Variants in CPAMD8 observed in about 807,000 individuals in gnomAD.
CPAMD8 encodes the protein C3 and PZP like alpha-2-macroglobulin domain containing 8.
CPAMD8 carries 146 observed loss-of-function variants against 224.7 expected under a neutral mutation model. The observed-to-expected ratio is 0.65, with a 90% CI of 0.57 to 0.75. The LOEUF (loss-of-function observed/expected upper bound fraction) is 0.75. Ranked by LOEUF, CPAMD8 falls within the 30% of genes least tolerant of loss-of-function variation. The pLI is 0.00. For synonymous variants in CPAMD8, 966 were observed against 1,044.6 expected (o/e 0.92, Z 1.45); for missense variants, 2,301 against 2,537.5 (o/e 0.91, Z 2.00).
At chr19:16,894,188 G>T (rs2051867237) in intron 41 of CPAMD8, 1 of 281,760 alleles carries the variant, frequency 3.5e-6, no homozygotes, top group African/African-American at 2.2e-5. Flanking sequence ...ATCTCCCAAG[G>T]GACCTCCAGC....
At chr19:17,002,739 G>C (rs538600064) in intron 8 of CPAMD8, among the ~76,000 whole-genome samples, 1 of 152,114 alleles carries the variant, frequency 6.6e-6, no homozygotes, top group East Asian at 1.9e-4. Context: ...ACAGAGAGCT[G>C]ATTTCTCCAT....
chr19:17,025,208 C>G (rs1220560062), intron 1 of CPAMD8, among the ~76,000 whole-genome samples: 1 of 152,118 alleles, frequency 6.6e-6, no homozygotes, highest in Admixed American at 6.5e-5. Context: ...GTCAGGAGTT[C>G]CAGAACAGCC....
At chr19:17,019,966 C>CTTTT (rs2056910542) in intron 3 of CPAMD8, among the ~76,000 whole-genome samples, 2 of 115,928 alleles carry the variant, frequency 1.7e-5, no homozygotes, top group East Asian at 2.5e-4. Context: ...TTTTTTTTTT[C>CTTTT]TTTTCTTTTT....
At chr19:17,014,053 T>TTCTTTC (rs1555791246) in intron 3 of CPAMD8, among the ~76,000 whole-genome samples, 3 of 143,950 alleles carry the variant, frequency 2.1e-5, no homozygotes, top group South Asian at 2.5e-4. Context: ...CTCTTTCTCT[T>TTCTTTC]TCTTTCTTTT....
At chr19:16,932,370 A>G (rs1324194055) in intron 23 of CPAMD8, among the ~76,000 whole-genome samples, 2 of 152,128 alleles carry the variant, frequency 1.3e-5, no homozygotes, top group African/African-American at 4.8e-5. Flanking sequence ...GCAGTGAGCC[A>G]TGATTGTGCC....
At chr19:17,007,065 G>A (rs2056511388) in intron 7 of CPAMD8, among the ~76,000 whole-genome samples, 1 of 152,190 alleles carries the variant, frequency 6.6e-6, no homozygotes, top group Non-Finnish European at 1.5e-5. Context: ...AGGCACGGTG[G>A]CTCATGCCTG....
At chr19:16,977,801 G>C (rs372244690) in intron 14 of CPAMD8, among the ~76,000 whole-genome samples, 5 of 152,216 alleles carry the variant, frequency 3.3e-5, no homozygotes, top group African/African-American at 1.2e-4. Context: ...CTCTGCCGGG[G>C]AACATGGTCC....
At position 16,913,253 on chromosome 19, in the gene CPAMD8, C is replaced by T. The variant is rs146771070; in HGVS notation, c.3861+1171G>A. Among the ~76,000 whole-genome samples the T allele has an allele frequency of 3.7e-3, 569 of 152,186 alleles. 7 individuals carry two copies. The highest frequency in any genetic ancestry group is 0.014 in the Middle Eastern group (4 of 294). On this transcript the variant is annotated intron_variant, in intron 29 of 41. Coordinates refer to ENST00000443236, the MANE Select transcript of CPAMD8 (RefSeq NM_015692.5). ...AGGTATGAGGGGGTGTCATGGAATA[C>T]GTGTGATCTTCCTCAGAATCCATAT...
chr19:16,914,923 A>C, intron 27 of CPAMD8, 110 bp from the exon 28 acceptor site: 1 of 740,692 alleles, frequency 1.4e-6, no homozygotes, highest in Non-Finnish European at 2.2e-6. Flanking sequence ...CCATTTCCTC[A>C]TCTATAAGAT....
At chr19:17,026,518 G>T in intron 1 of CPAMD8, 33 bp downstream of exon 1, 3 of 1,467,070 alleles carry the variant, frequency 2.0e-6, no homozygotes, top group South Asian at 2.6e-5. Flanking sequence ...CCCAGAAGGC[G>T]ACCGACCTCC....
intron 1 of CPAMD8, 119 bp from the exon 2 acceptor site, chr19:17,022,300 C>T: frequency 3.5e-6 from 4 of 1,157,176 alleles, no homozygotes; most frequent in Non-Finnish European, 4.9e-6. Context: ...CCACACCTGG[C>T]TGGCATTGAT....
intron 10 of CPAMD8, among the ~76,000 whole-genome samples, chr19:16,997,626 G>C (rs10421800): frequency 6.6e-6 from 1 of 151,744 alleles, no homozygotes; most frequent in African/African-American, 2.4e-5. Flanking sequence ...TGTGGCGGGC[G>C]GGTCACTTGA....
Position 16,929,009 on chromosome 19 carries a change from G to A in CPAMD8, c.3077C>T (p.Thr1026Met), listed in dbSNP as rs746610790. 15 of 1,613,774 alleles carry A rather than the reference G, an allele frequency of 9.3e-6. No homozygotes were observed. The highest frequency in any genetic ancestry group is 4.5e-5 in the East Asian group (2 of 44,894). The change falls in exon 24 of 42, where the codon ACG becomes ATG. Residue 1026 changes from threonine (T) to methionine (M), a missense_variant. Thr to Met is a moderately conservative substitution (Grantham distance 81). This residue lies in a region of CPAMD8 where 1,709 missense variants were observed against 1,753.2 expected (regional missense o/e 0.97). Transcript: ENST00000443236. ...KMGEPVASAH[T>M]AKILSWDEFR... is the part of the protein sequence containing the mutation. ...TTCATCCCAGGAGAGGATCTTGGCCGTGTGTGCACTGGCCACGGGCTCTCC... is the reference window on the plus strand; with the variant it reads ...TTCATCCCAGGAGAGGATCTTGGCCATGTGTGCACTGGCCACGGGCTCTCC...
At chr19:16,972,232 T>C (rs1326151197) in intron 17 of CPAMD8, among the ~76,000 whole-genome samples, 5 of 150,162 alleles carry the variant, frequency 3.3e-5, no homozygotes, top group Non-Finnish European at 5.9e-5. Flanking sequence ...GCTGCAATCA[T>C]AGCTCACTGC....
chr19:17,014,805 G>A (rs1249489937), intron 3 of CPAMD8, among the ~76,000 whole-genome samples: 4 of 152,182 alleles, frequency 2.6e-5, no homozygotes, highest in Non-Finnish European at 5.9e-5. Context: ...TTTAGGTGGG[G>A]ACACAACCAA....
At chr19:16,943,840 C>T (rs1408334184) in intron 22 of CPAMD8, among the ~76,000 whole-genome samples, 2 of 152,208 alleles carry the variant, frequency 1.3e-5, no homozygotes, top group Non-Finnish European at 2.9e-5. Context: ...ATCTGGGGCT[C>T]TCACTCCAGA....
chr19:16,906,845 G>T, intron 30 of CPAMD8, 107 bp downstream of exon 30: 1 of 1,123,580 alleles, frequency 8.9e-7, no homozygotes, highest in Non-Finnish European at 1.3e-6. Context: ...GAGTAGCTGG[G>T]ACTACATGAC....
intron 30 of CPAMD8, among the ~76,000 whole-genome samples, chr19:16,906,451 T>TTC (rs2052523102): frequency 6.7e-6 from 1 of 148,432 alleles, no homozygotes; most frequent in African/African-American, 2.5e-5. Context: ...TTCTTTCTCT[T>TTC]TCTTTCTAAT....
At chr19:16,988,302 A>G (rs1430945128) in intron 13 of CPAMD8, among the ~76,000 whole-genome samples, 1 of 152,112 alleles carries the variant, frequency 6.6e-6, no homozygotes, top group African/African-American at 2.4e-5. Flanking sequence ...CCACAGCCTA[A>G]ATGTCCATAA....
Sources: allele counts gnomAD v4.1 joint callset (sites outside exome capture counted in the v4.1 genomes callset), GRCh38; gene constraint gnomAD v4.1.1; regional missense constraint gnomAD v4.1.1; transcripts MANE v1.5; gene names NCBI Gene and HGNC (gene_info 2026-07-23, HGNC 2026-07-21).